Variants in GCNT1 observed in about 807,000 individuals in gnomAD.
The protein encoded by GCNT1 is glucosaminyl (N-acetyl) transferase 1.
A neutral mutation model predicts 26.2 loss-of-function variants in GCNT1; 16 were observed. The observed-to-expected ratio is 0.61, with a 90% CI of 0.41 to 0.93. The LOEUF (loss-of-function observed/expected upper bound fraction) is 0.93. Ranked by LOEUF, GCNT1 falls within the 40% of genes least tolerant of loss-of-function variation. The probability of loss-of-function intolerance (pLI) is 0.00; values close to 1 mark genes in which losing one functional copy is unlikely to be tolerated. For synonymous variants in GCNT1, 183 were observed against 190.8 expected, an observed-to-expected ratio of 0.96 and a Z score of 0.34; for missense variants, 477 against 526.7, an observed-to-expected ratio of 0.91 and a Z score of 0.92.
Position 76,503,549 on chromosome 9 carries a change from T to A in GCNT1, c.1168T>A (p.Trp390Arg), listed in dbSNP as rs777449301. ...CATTTTCGGAGCTGGTGACTTGAACTGGATGCTGCGCAAACACCACTTGTT... is the reference window on the plus strand; with the variant it reads ...CATTTTCGGAGCTGGTGACTTGAACAGGATGCTGCGCAAACACCACTTGTT... ...VCIFGAGDLN[W>R]MLRKHHLFAN... is the part of the protein sequence containing the mutation. The change falls in exon 4 of 4, where the codon TGG (tryptophan) becomes AGG (arginine). Residue 390 changes from tryptophan to arginine, a missense_variant. Trp to Arg is a moderately radical substitution (Grantham distance 101). Transcript: ENST00000376730. 2.5e-6 allele frequency: 4 copies of A among 1,614,222 alleles called. No individual in the cohort carries two copies. In the Admixed American group the frequency reaches 6.7e-5, roughly 27 times the overall value.
At chr9:76,470,401 C>T (rs1044281169) in intron 2 of GCNT1, among the ~76,000 whole-genome samples, 1 of 151,860 alleles carries the variant, frequency 6.6e-6, no homozygotes, top group Non-Finnish European at 1.5e-5. Flanking sequence ...CCCAGGAGTT[C>T]GAGACCAGCC....
At chr9:76,426,616 G>C (rs1823260462) in intron 1 of GCNT1, among the ~76,000 whole-genome samples, 1 of 152,084 alleles carries the variant, frequency 6.6e-6, no homozygotes, top group African/African-American at 2.4e-5. Flanking sequence ...TTAAGAATAG[G>C]CTGGGAGTGG....
intron 2 of GCNT1, among the ~76,000 whole-genome samples, chr9:76,495,115 C>T (rs142391133): frequency 2.1e-3 from 320 of 152,228 alleles, no homozygotes; most frequent in African/African-American, 7.4e-3. Flanking sequence ...GAATAGCAAG[C>T]GAAAGGGGTC....
rs186823455 is a variant in GCNT1, at chr9:76,486,344, C to T, written c.-289-14572C>T. Among the ~76,000 whole-genome samples the T allele has an allele frequency of 2.0e-5, 3 of 152,296 alleles. No individual in the cohort carries two copies. The East Asian group carries it at 5.8e-4, about 29-fold the overall frequency. On this transcript the variant is annotated intron_variant, in intron 2 of 3. Transcript: ENST00000376730. ...TTTAGTGGCATACTTCTCATAGTAA[C>T]CTGCTGAGAAAGGTGCATGTGACTT...
At chr9:76,448,609 T>C (rs1823614178) in intron 1 of GCNT1, among the ~76,000 whole-genome samples, 1 of 152,096 alleles carries the variant, frequency 6.6e-6, no homozygotes, top group Non-Finnish European at 1.5e-5. Flanking sequence ...AAAAAGCAAA[T>C]GCCCTCCTCT....
intron 1 of GCNT1, among the ~76,000 whole-genome samples, chr9:76,426,520 A>G (rs2131574071): frequency 6.6e-6 from 1 of 152,254 alleles, no homozygotes; most frequent in East Asian, 1.9e-4. Context: ...GGGAGCTGTG[A>G]TCATGCCACT....
intron 2 of GCNT1, among the ~76,000 whole-genome samples, chr9:76,493,117 GTGGACATCA>G (rs1457863012): frequency 1.3e-5 from 2 of 152,106 alleles, no homozygotes; most frequent in Non-Finnish European, 2.9e-5. Context: ...CTGAGTTATG[GTGGACATCA>G]TTGAATAATT....
chr9:76,399,199 A>C, the GCNT1 span: 6 of 1,487,526 alleles, frequency 4.0e-6, no homozygotes, highest in East Asian at 4.5e-5. Flanking sequence ...ACAACAAGGG[A>C]GCTCACTCAG....
In GCNT1 at chr9:76,465,166, T is replaced by A. The variant is rs891742601; in HGVS notation, c.-290+4989T>A. Among the ~76,000 whole-genome samples the A allele has an allele frequency of 7.2e-5, 11 of 151,890 alleles. No individual in the cohort carries two copies. In the East Asian group the frequency reaches 7.7e-4, roughly 11 times the overall value. ...TGACTCTGATTTGAGTTTTTTTTTT[T>A]TTATTTTTTTTTAGACGGAGCCTTG... On this transcript the variant is annotated intron_variant, in intron 2 of 3. Coordinates refer to ENST00000376730, the MANE Select transcript of GCNT1 (RefSeq NM_001490.5).
At chr9:76,401,151 G>A in the GCNT1 span, among the ~76,000 whole-genome samples, 1 of 152,200 alleles carries the variant, frequency 6.6e-6, no homozygotes, top group South Asian at 2.1e-4. Flanking sequence ...CAAATAAGCT[G>A]GCTGAGTGTA....
chr9:76,423,382 T>C (rs1823223255), intron 1 of GCNT1, among the ~76,000 whole-genome samples: 3 of 152,238 alleles, frequency 2.0e-5, no homozygotes, highest in African/African-American at 7.2e-5. Flanking sequence ...TCCTGCTCTC[T>C]TGCACCCTCC....
intron 2 of GCNT1, among the ~76,000 whole-genome samples, chr9:76,488,710 C>T (rs1408290620): frequency 6.6e-6 from 1 of 152,218 alleles, no homozygotes; most frequent in Non-Finnish European, 1.5e-5. Flanking sequence ...GTCCCAAACT[C>T]ATGCCTTAGG....
the GCNT1 span, chr9:76,399,585 A>G: frequency 8.1e-7 from 1 of 1,233,972 alleles, no homozygotes; most frequent in African/African-American, 1.5e-5. Flanking sequence ...GACTGGTCTT[A>G]AGCTGTTCTT....
At chr9:76,451,961 TTTTTTG>T (rs1333755533) in intron 1 of GCNT1, among the ~76,000 whole-genome samples, 1 of 86,952 alleles carries the variant, frequency 1.2e-5, no homozygotes, top group Non-Finnish European at 2.5e-5. Flanking sequence ...TTTTTTTTTT[TTTTTTG>T]TTGTTGTTGT....
At chr9:76,430,840 C>A (rs1823329041) in intron 1 of GCNT1, among the ~76,000 whole-genome samples, 1 of 152,028 alleles carries the variant, frequency 6.6e-6, no homozygotes. Flanking sequence ...TACACCAAAC[C>A]ACACCCAGCT....
chr9:76,481,609 C>T (rs1324371146), intron 2 of GCNT1, among the ~76,000 whole-genome samples: 2 of 151,946 alleles, frequency 1.3e-5, no homozygotes, highest in African/African-American at 2.4e-5. Flanking sequence ...TTATCACTAC[C>T]TGTAAGGCTT....
At chr9:76,413,370 T>G in the GCNT1 span, among the ~76,000 whole-genome samples, 47,041 of 152,072 alleles carry the variant, frequency 0.31, 8,120 homozygotes, top group Non-Finnish European at 0.39. Context: ...AAGTATCTCA[T>G]GAAAGAAACA....
At chr9:76,441,634 T>C (rs993892171), upstream of GCNT1, 1 of 152,352 alleles carries the variant, frequency 6.6e-6, no homozygotes, top group African/African-American at 2.4e-5. Flanking sequence ...TGTGGGAAAT[T>C]TGAGACACGA....
At chr9:76,472,749 C>CT (rs869071794) in intron 2 of GCNT1, among the ~76,000 whole-genome samples, 1,353 of 31,400 alleles carry the variant, frequency 0.043, 88 homozygotes, top group Admixed American at 0.24. Flanking sequence ...CTTTTCTTTT[C>CT]TTTTTTTTTT....
Sources: allele counts gnomAD v4.1 joint callset (sites outside exome capture counted in the v4.1 genomes callset), GRCh38; gene constraint gnomAD v4.1.1; transcripts MANE v1.5; gene names NCBI Gene and HGNC (gene_info 2026-07-23, HGNC 2026-07-21).